RIN2: variants seen among roughly 807,000 people sequenced by gnomAD.
RIN2 encodes RAB5 interacting protein 2.
Under a neutral mutation model 78.0 loss-of-function variants are expected in RIN2, and 36 were observed. That is an observed-to-expected ratio of 0.46 (90% confidence interval 0.35 to 0.61). The LOEUF (loss-of-function observed/expected upper bound fraction) is 0.61. Ranked by LOEUF, RIN2 falls within the 20% of genes least tolerant of loss-of-function variation. The pLI, the probability that RIN2 is intolerant of heterozygous loss-of-function variation, is 0.00. For synonymous variants in RIN2, 466 were observed against 466.8 expected (o/e 1.00, Z 0.02); for missense variants, 1,087 against 1,159.7 (o/e 0.94, Z 0.91).
At position 19,902,015 on chromosome 20, in the gene RIN2, C is replaced by CAA. The variant is rs55949901; in HGVS notation, c.57+12383_57+12384dup. ...TGGGCGACAGAACGAGACTCTGTCT[C>CAA]AAAAAAAAAAAAAAAAAAAAAAAAA... On this transcript the variant is annotated intron_variant, in intron 3 of 12. Transcript: ENST00000255006. 5.2e-3 allele frequency among the ~76,000 whole-genome samples: 524 copies of CAA among 100,596 alleles called. 10 individuals carry two copies. The highest frequency in any genetic ancestry group is 0.019 in the African/African-American group (487 of 25,816). The allele number at this position is 100,596 out of a possible 152,430, so 66.0% of individuals were successfully genotyped here.
intron 2 of RIN2, among the ~76,000 whole-genome samples, chr20:19,812,566 C>A (rs2035636956): frequency 6.6e-6 from 1 of 152,070 alleles, no homozygotes; most frequent in South Asian, 2.1e-4. Context: ...TTGTTTTTCT[C>A]CTTCCTGAGT....
intron 2 of RIN2, among the ~76,000 whole-genome samples, chr20:19,876,683 T>A (rs943122538): frequency 4.6e-5 from 7 of 152,100 alleles, no homozygotes; most frequent in Admixed American, 4.6e-4. Context: ...GGCAGGCAGA[T>A]CACTTGAGAT....
intron 1 of RIN2, among the ~76,000 whole-genome samples, chr20:19,767,851 A>T (rs6112566): frequency 2.0e-5 from 3 of 149,870 alleles, no homozygotes; most frequent in African/African-American, 7.4e-5. Flanking sequence ...CTTGAACCTG[A>T]GAGGCAGAGG....
At chr20:19,945,487 C>A (rs914836573) in intron 4 of RIN2, among the ~76,000 whole-genome samples, 7 of 152,164 alleles carry the variant, frequency 4.6e-5, no homozygotes, top group Admixed American at 2.6e-4. Flanking sequence ...GACTGTCTAC[C>A]CTCTACTTTC....
chr20:19,801,333 T>G (rs1278358595), intron 2 of RIN2, among the ~76,000 whole-genome samples: 6 of 152,136 alleles, frequency 3.9e-5, no homozygotes, highest in Non-Finnish European at 8.8e-5. Context: ...TCTTGTTTGT[T>G]TGTTTGAGAC....
At chr20:19,922,274 C>G (rs1357455024) in intron 3 of RIN2, among the ~76,000 whole-genome samples, 3 of 152,172 alleles carry the variant, frequency 2.0e-5, no homozygotes, top group African/African-American at 7.2e-5. Context: ...CTTCACTGGT[C>G]AAGGACTGAC....
intron 3 of RIN2, among the ~76,000 whole-genome samples, chr20:19,915,395 T>G (rs1407154200): frequency 6.6e-6 from 1 of 152,168 alleles, no homozygotes; most frequent in Admixed American, 6.5e-5. Flanking sequence ...TCCCCAGCAC[T>G]GTGGTCTGAT....
intron 9 of RIN2, among the ~76,000 whole-genome samples, chr20:19,988,316 C>T (rs531881884): frequency 6.6e-6 from 1 of 152,246 alleles, no homozygotes; most frequent in Non-Finnish European, 1.5e-5. Context: ...GATGGGATTT[C>T]GCTGTGTTGG....
chr20:19,893,490 G>A (rs1210924722), intron 3 of RIN2, among the ~76,000 whole-genome samples: 1 of 152,178 alleles, frequency 6.6e-6, no homozygotes, highest in Non-Finnish European at 1.5e-5. Context: ...TTCTAAGCCA[G>A]AGTTGCTAAC....
In RIN2 at chr20:19,961,055, G is replaced by A. The variant is rs199563; in HGVS notation, c.463+244G>A. Among the ~76,000 whole-genome samples, 1,661 of 152,260 alleles carry A rather than the reference G, an allele frequency of 0.011. 30 individuals are homozygous for A. The highest frequency in any genetic ancestry group is 0.047 in the South Asian group (229 of 4,830). On this transcript the variant is annotated intron_variant, in intron 6 of 12. Coordinates refer to ENST00000255006, the MANE Select transcript of RIN2 (RefSeq NM_018993.4). The stretch of plus-strand genomic sequence containing the variant: ...ATATAAAGTGTGCAGCCTACTGCAT[G>A]GCATATGGTAGGGAACTAATAGAGG...
chr20:19,974,280 G>A (rs771359079), intron 8 of RIN2, among the ~76,000 whole-genome samples: 114 of 152,360 alleles, frequency 7.5e-4, no homozygotes, highest in Admixed American at 2.1e-3. Flanking sequence ...TGCTTTGTAA[G>A]TCGGTTCAGT....
intron 4 of RIN2, among the ~76,000 whole-genome samples, chr20:19,938,736 T>C (rs2040747868): frequency 6.6e-6 from 1 of 152,196 alleles, no homozygotes. Context: ...AGCCACACTA[T>C]ATGTAGTTTT....
chr20:19,929,341 T>C (rs1568621836), intron 3 of RIN2, among the ~76,000 whole-genome samples: 2 of 151,662 alleles, frequency 1.3e-5, no homozygotes. Context: ...TGTTTTTGGG[T>C]TTTGTTTGTT....
chr20:19,806,179 G>C (rs931062051), intron 2 of RIN2, among the ~76,000 whole-genome samples: 1 of 152,182 alleles, frequency 6.6e-6, no homozygotes, highest in Non-Finnish European at 1.5e-5. Context: ...TGCAATAAAT[G>C]TGAGTGTGCA....
intron 3 of RIN2, among the ~76,000 whole-genome samples, chr20:19,929,221 C>T (rs775891505): frequency 3.9e-5 from 6 of 152,210 alleles, no homozygotes; most frequent in Non-Finnish European, 7.3e-5. Flanking sequence ...TAGACAGCCC[C>T]TCCCCATGCT....
At chr20:19,884,405 C>T (rs1487896662) in intron 2 of RIN2, among the ~76,000 whole-genome samples, 2 of 152,088 alleles carry the variant, frequency 1.3e-5, no homozygotes, top group African/African-American at 4.8e-5. Context: ...GCCTGGGCAA[C>T]AGAGCGAGAC....
At chr20:19,815,855 T>C (rs1022936781) in intron 2 of RIN2, among the ~76,000 whole-genome samples, 4 of 152,254 alleles carry the variant, frequency 2.6e-5, no homozygotes, top group African/African-American at 9.6e-5. Context: ...TGAAAGTTGT[T>C]GTAGCATCTT....
intron 3 of RIN2, among the ~76,000 whole-genome samples, chr20:19,904,394 C>T (rs1479959456): frequency 3.3e-5 from 5 of 151,852 alleles, no homozygotes; most frequent in East Asian, 3.9e-4. Flanking sequence ...CCCTGGGCAC[C>T]GGGTATGCGG....
At chr20:19,969,500 C>A (rs1316385260) in intron 7 of RIN2, among the ~76,000 whole-genome samples, 1 of 152,174 alleles carries the variant, frequency 6.6e-6, no homozygotes, top group Admixed American at 6.5e-5. Context: ...TGTCTGCCCA[C>A]CTTCACACTC....
Sources: allele counts gnomAD v4.1 joint callset (sites outside exome capture counted in the v4.1 genomes callset), GRCh38; gene constraint gnomAD v4.1.1; transcripts MANE v1.5; gene names NCBI Gene and HGNC (gene_info 2026-07-23, HGNC 2026-07-21).